The following ARHGAP24 variants were observed in gnomAD, a reference collection of about 807,000 sequenced individuals.
ARHGAP24 encodes Rho GTPase activating protein 24, also known as rho GTPase-activating protein 24.
In ARHGAP24, 50 loss-of-function variants were observed where a neutral mutation model predicts 76.4. The ratio of observed to expected loss-of-function variants is 0.65; its 90% CI spans 0.52 to 0.83. ARHGAP24 has a LOEUF of 0.83. ARHGAP24 is among the 40% of genes least tolerant of loss of function. ARHGAP24 has a pLI of 0.00. For synonymous variants in ARHGAP24, 345 were observed against 323.3 expected (o/e 1.07, Z -0.72); for missense variants, 930 against 914.2 (o/e 1.02, Z -0.22).
In ARHGAP24 at chr4:85,674,456, T is replaced by C. The variant is rs140581731; in HGVS notation, c.181-47429T>C. Among the ~76,000 whole-genome samples the C allele has an allele frequency of 3.1e-3, 468 of 152,362 alleles. 2 individuals are homozygous for C. The highest frequency in any genetic ancestry group is 0.011 in the African/African-American group (455 of 41,578). ...AGAATAATACAAAATCTTTTTGATA[T>C]ATGGTGGCAACATCAATCTTTAAAT... is the stretch of plus-strand genomic sequence containing the variant. On this transcript the variant is annotated intron_variant, in intron 2 of 9. Coordinates refer to ENST00000395184, the MANE Select transcript of ARHGAP24 (RefSeq NM_001025616.3).
chr4:85,998,757 T>G (rs1740831153), intron 9 of ARHGAP24, among the ~76,000 whole-genome samples: 1 of 152,158 alleles, frequency 6.6e-6, no homozygotes, highest in East Asian at 1.9e-4. Context: ...GATTGGAGAT[T>G]TTGTAGTCTC....
chr4:85,834,548 C>T (rs372011584), intron 3 of ARHGAP24, among the ~76,000 whole-genome samples: 13 of 152,184 alleles, frequency 8.5e-5, no homozygotes, highest in African/African-American at 3.1e-4. Context: ...TCTGTTACAA[C>T]ATCCCATAAG....
At chr4:85,703,532 A>G (rs1475446960) in intron 2 of ARHGAP24, among the ~76,000 whole-genome samples, 4 of 152,098 alleles carry the variant, frequency 2.6e-5, no homozygotes, top group Non-Finnish European at 4.4e-5. Context: ...TCATGAGGGT[A>G]GTGCCCTCAA....
intron 3 of ARHGAP24, among the ~76,000 whole-genome samples, chr4:85,880,034 A>T (rs1418213496): frequency 6.6e-6 from 1 of 152,230 alleles, no homozygotes; most frequent in East Asian, 1.9e-4. Flanking sequence ...GCCATGGATC[A>T]GTACCAGGAG....
chr4:86,001,085 A>G lies in ARHGAP24; in HGVS notation c.*363A>G, dbSNP rs1578491004. 5 of 407,970 alleles carry G rather than the reference A, an allele frequency of 1.2e-5. No homozygotes were observed. The East Asian group carries it at 1.8e-4, about 15-fold the overall frequency. 25.3% of individuals were successfully genotyped at this position (407,970 alleles called of 1,614,324 possible). The stretch of plus-strand genomic sequence containing the variant: ...AAGCTTCACCCCTTGCACTTAACAT[A>G]AGCTATTTTTGGCATTGTGTTATCA... On this transcript the variant is annotated 3_prime_UTR_variant, in exon 10 of 10. Transcript: ENST00000395184.
At chr4:85,924,658 T>A (rs1261269933) in intron 4 of ARHGAP24, 1 of 148,846 alleles carries the variant, frequency 6.7e-6, no homozygotes, top group Non-Finnish European at 1.5e-5. Flanking sequence ...TTTTTTTTTT[T>A]CTCTGAACAG....
intron 2 of ARHGAP24, among the ~76,000 whole-genome samples, chr4:85,674,065 A>G (rs1348974097): frequency 1.3e-5 from 2 of 152,292 alleles, no homozygotes; most frequent in African/African-American, 2.4e-5. Context: ...AGTTAGTGGC[A>G]TCTGGGACTA....
chr4:85,646,908 G>T (rs920397384), intron 2 of ARHGAP24, among the ~76,000 whole-genome samples: 10 of 152,040 alleles, frequency 6.6e-5, no homozygotes, highest in African/African-American at 2.4e-4. Context: ...ACATTTATGT[G>T]ATATGTAATC....
At chr4:85,550,389 T>A (rs191372689) in intron 1 of ARHGAP24, among the ~76,000 whole-genome samples, 32 of 152,350 alleles carry the variant, frequency 2.1e-4, no homozygotes, top group Non-Finnish European at 4.1e-4. Flanking sequence ...CTCTCTATTC[T>A]GTTCCGTTGG....
intron 3 of ARHGAP24, among the ~76,000 whole-genome samples, chr4:85,755,626 G>GT (rs111410344): frequency 0.19 from 22,734 of 117,386 alleles, 5,173 homozygotes; most frequent in East Asian, 0.44. Context: ...CTATTCTTTT[G>GT]TTTTGTTTTG....
At chr4:85,915,797 C>A (rs1735353832) in intron 3 of ARHGAP24, among the ~76,000 whole-genome samples, 1 of 152,202 alleles carries the variant, frequency 6.6e-6, no homozygotes, top group Non-Finnish European at 1.5e-5. Flanking sequence ...ATATGTGCCA[C>A]ATTTTCTTTA....
chr4:85,627,273 G>T (rs1273127432), intron 2 of ARHGAP24, among the ~76,000 whole-genome samples: 1 of 152,042 alleles, frequency 6.6e-6, no homozygotes, highest in Admixed American at 6.6e-5. Flanking sequence ...CTTTCTTTTT[G>T]TTAGTTTTCC....
intron 1 of ARHGAP24, among the ~76,000 whole-genome samples, chr4:85,554,994 G>A (rs1239201420): frequency 1.3e-5 from 2 of 152,038 alleles, no homozygotes; most frequent in Non-Finnish European, 2.9e-5. Context: ...CTTTCTTATA[G>A]TGGCTATTTC....
chr4:85,997,131 G>A (rs545857984), intron 9 of ARHGAP24, among the ~76,000 whole-genome samples: 3 of 152,134 alleles, frequency 2.0e-5, no homozygotes, highest in Non-Finnish European at 2.9e-5. Context: ...GGGACCGCTC[G>A]TGGCCTAGCC....
At chr4:85,571,967 A>G (rs762766214) in intron 2 of ARHGAP24, among the ~76,000 whole-genome samples, 3 of 152,286 alleles carry the variant, frequency 2.0e-5, no homozygotes, top group African/African-American at 7.2e-5. Flanking sequence ...AAGGTCCCAT[A>G]TTGGTATCAT....
intron 1 of ARHGAP24, among the ~76,000 whole-genome samples, chr4:85,476,384 A>G (rs954429045): frequency 6.6e-6 from 1 of 152,072 alleles, no homozygotes; most frequent in African/African-American, 2.4e-5. Context: ...TAAACAAGTA[A>G]TTTCTCCAAG....
At chr4:85,854,311 C>G (rs1731435160) in intron 3 of ARHGAP24, among the ~76,000 whole-genome samples, 1 of 152,128 alleles carries the variant, frequency 6.6e-6, no homozygotes, top group South Asian at 2.1e-4. Flanking sequence ...TAATTTCCTT[C>G]AGTGAACTGA....
chr4:85,599,675 T>A (rs1468198814), intron 2 of ARHGAP24, among the ~76,000 whole-genome samples: 3 of 152,128 alleles, frequency 2.0e-5, no homozygotes, highest in African/African-American at 4.8e-5. Flanking sequence ...TAAATTATTT[T>A]TTTTTTGTAT....
intron 1 of ARHGAP24, among the ~76,000 whole-genome samples, chr4:85,507,405 A>G (rs1470891951): frequency 6.6e-6 from 1 of 151,820 alleles, no homozygotes; most frequent in East Asian, 1.9e-4. Context: ...TGGTATGTGG[A>G]CTCTTTGAGG....
Sources: gnomAD v4.1 joint callset for allele counts (sites outside exome capture counted in the v4.1 genomes callset) on GRCh38, gnomAD v4.1.1 for gene constraint, MANE v1.5 for transcripts, NCBI Gene and HGNC (gene_info 2026-07-23, HGNC 2026-07-21) for gene names.